The following NHLH2 variants were observed in gnomAD, a reference collection of about 807,000 sequenced individuals.
NHLH2 encodes the protein nescient helix-loop-helix 2, also known as helix-loop-helix protein 2.
A neutral mutation model predicts 7.3 loss-of-function variants in NHLH2; 7 were observed. The ratio of observed to expected loss-of-function variants is 0.96; its 90% CI spans 0.55 to 1.81. NHLH2 has a LOEUF of 1.81. NHLH2 is among the 40% of genes most tolerant of loss of function. NHLH2 has a pLI of 0.00. For missense variants in NHLH2, 155 were observed against 194.0 expected (o/e 0.80, Z 1.19); for synonymous variants, 93 against 91.6 (o/e 1.01, Z -0.09).
chr1:115,838,547 C>G (rs879274955), intron 2 of NHLH2, 167 bp from the exon 3 acceptor site: 326 of 656,846 alleles, frequency 5.0e-4, no homozygotes, highest in Non-Finnish European at 7.0e-4. Flanking sequence ...GGATCTGGCC[C>G]GAGGGCGCGA....
chr1:115,832,243 T>C (rs914770501), downstream of NHLH2, among the ~76,000 whole-genome samples: 4 of 152,214 alleles, frequency 2.6e-5, no homozygotes, highest in African/African-American at 9.6e-5. Context: ...TCTACAGGTG[T>C]GCATGTGTGG....
chr1:115,832,567 C>T (rs191404237), downstream of NHLH2, among the ~76,000 whole-genome samples: 73 of 152,304 alleles, frequency 4.8e-4, no homozygotes, highest in Non-Finnish European at 7.5e-4. Context: ...TTGGTACATA[C>T]GTTGTCCCAT....
rs1465006427 is a variant in NHLH2 at position 115,837,730 on chromosome 1, TC to T, written c.*234del. ...CACGAGGTTCTCCTGGCCTGGAAAA[TC>T]CCCCCTGCGAGCCCCCGGGCTCGCC... On this transcript the variant is annotated 3_prime_UTR_variant, in exon 3 of 3. Coordinates refer to ENST00000320238, the MANE Select transcript of NHLH2 (RefSeq NM_005599.3). 1.9e-6 allele frequency: 1 copy of T among 514,090 alleles called. No individual in the cohort carries two copies. Among genetic ancestry groups the T allele is most frequent in the Non-Finnish European group, 3.4e-6 (1 of 296,168 alleles). 31.8% of individuals were successfully genotyped at this position (514,090 alleles called of 1,614,324 possible).
chr1:115,838,246 C>A lies in NHLH2; in HGVS notation c.127G>T (p.Glu43Ter), dbSNP rs777544645. Residue 43 changes from glutamate (E) to a stop codon, truncating the protein, a stop_gained, in exon 3 of 3, where the codon GAG becomes TAG. Coordinates refer to ENST00000320238, the MANE Select transcript of NHLH2 (RefSeq NM_005599.3). LOFTEE classifies it high-confidence loss of function. ...CCGCCCTTGCCGTCGCCCTCGGCCT[C>A]CTCCACCGGCTCCAGGTCCGACACG... ...GSVSDLEPVE[E>*]AEGDGKGGSR... The A allele has an allele frequency of 1.3e-6, 2 of 1,575,038 alleles. No individual in the cohort carries two copies. The highest frequency in any genetic ancestry group is 1.7e-6 in the Non-Finnish European group (2 of 1,163,110).
In NHLH2 at chr1:115,836,490, T is replaced by C. The variant is rs1377572600; in HGVS notation, c.*1475A>G. 3.3e-5 allele frequency: 5 copies of C among 152,614 alleles called. No individual in the cohort carries two copies. Among genetic ancestry groups the C allele is most frequent in the African/African-American group, 4.8e-5 (2 of 41,456 alleles). The allele number at this position is 152,614 out of a possible 1,614,324, so 9.5% of individuals were successfully genotyped here. A position where few individuals can be genotyped will look rare whatever the true frequency, so the allele number is the denominator to read the frequency against. Reference sequence around the variant, plus strand: ...TTTCACTACAAAATATTGCATTATATAAAGCAACAGAGACACAAAAAAACC... The same window carrying C: ...TTTCACTACAAAATATTGCATTATACAAAGCAACAGAGACACAAAAAAACC... On this transcript the variant is annotated 3_prime_UTR_variant, in exon 3 of 3. Transcript: ENST00000320238.
At chr1:115,832,698 G>A (rs1048737283), downstream of NHLH2, among the ~76,000 whole-genome samples, 5 of 152,178 alleles carry the variant, frequency 3.3e-5, no homozygotes, top group East Asian at 3.9e-4. Flanking sequence ...ACACAGAGAT[G>A]GGAGAAACAG....
downstream of NHLH2, among the ~76,000 whole-genome samples, chr1:115,834,530 G>A (rs372993827): frequency 5.9e-4 from 90 of 152,150 alleles, no homozygotes; most frequent in Non-Finnish European, 1.1e-3. Flanking sequence ...GATGAGAAAA[G>A]AAAAGGCAGT....
chr1:115,839,100 C>T (rs878908601), intron 2 of NHLH2: 2 of 167,358 alleles, frequency 1.2e-5, no homozygotes, highest in South Asian at 2.1e-4. Flanking sequence ...CTCCGATGCC[C>T]TCGCAGGCTC....
chr1:115,834,424 G>A (rs1375094965), downstream of NHLH2, among the ~76,000 whole-genome samples: 1 of 152,196 alleles, frequency 6.6e-6, no homozygotes, highest in Admixed American at 6.5e-5. Flanking sequence ...GAAAGACCAA[G>A]CTCAGGGTAA....
chr1:115,837,930 G>A lies in NHLH2; in HGVS notation c.*35C>T. ...TCCGGATCCGTAGCGTTTCGCGGAC[G>A]CCGGGACAGGCGGCCCCCCGCGGCG... is the stretch of plus-strand genomic sequence containing the variant. On this transcript the variant is annotated 3_prime_UTR_variant, in exon 3 of 3. Coordinates refer to ENST00000320238, the MANE Select transcript of NHLH2 (RefSeq NM_005599.3). 1 of 1,577,454 alleles carries A rather than the reference G, an allele frequency of 6.3e-7. No homozygotes were observed. Among genetic ancestry groups the A allele is most frequent in the Admixed American group, 1.8e-5 (1 of 55,306 alleles).
rs960574542 is a variant in NHLH2, at chr1:115,840,397, C to T, written c.-190G>A. On this transcript the variant is annotated 5_prime_UTR_variant, in exon 2 of 3. Transcript: ENST00000320238. ...GGACAATAATATCTCAGGATGTAGA[C>T]GATATGAATGATTGTTCACTTAGTT... 3 of 166,902 alleles carry T rather than the reference C, an allele frequency of 1.8e-5. No homozygotes were observed. Among genetic ancestry groups the T allele is most frequent in the Non-Finnish European group, 4.4e-5 (3 of 68,106 alleles). 10.3% of individuals were successfully genotyped at this position (166,902 alleles called of 1,614,324 possible). A position where few individuals can be genotyped will look rare whatever the true frequency, so the allele number is the denominator to read the frequency against.
At position 115,837,962 on chromosome 1, in the gene NHLH2, G is replaced by C; in HGVS notation, c.*3C>G. 1 of 1,594,874 alleles carries C rather than the reference G, an allele frequency of 6.3e-7. No homozygotes were observed. Among genetic ancestry groups the C allele is most frequent in the Non-Finnish European group, 8.5e-7 (1 of 1,172,610 alleles). ...CAGGCGGCCCCCCGCGGCGCACCCC[G>C]CCCTACACGTCCAGGACGTGGTTGA... On this transcript the variant is annotated 3_prime_UTR_variant, in exon 3 of 3. Transcript: ENST00000320238.
In NHLH2 at chr1:115,837,782, A is replaced by G. The variant is rs1650919516; in HGVS notation, c.*183T>C. 2 of 658,072 alleles carry G rather than the reference A, an allele frequency of 3.0e-6. No homozygotes were observed. Among genetic ancestry groups the G allele is most frequent in the Admixed American group, 7.6e-5 (2 of 26,158 alleles). 40.8% of individuals were successfully genotyped at this position (658,072 alleles called of 1,614,324 possible). ...AGACAACCCCACCTGCCTGCGTCGGAAACCTTCCCTCGTCGCCCTGCTGAC... is the reference window on the plus strand; with the variant it reads ...AGACAACCCCACCTGCCTGCGTCGGGAACCTTCCCTCGTCGCCCTGCTGAC... On this transcript the variant is annotated 3_prime_UTR_variant, in exon 3 of 3. Coordinates refer to ENST00000320238, the MANE Select transcript of NHLH2 (RefSeq NM_005599.3).
downstream of NHLH2, among the ~76,000 whole-genome samples, chr1:115,834,366 G>T (rs564444258): frequency 5.9e-5 from 9 of 152,304 alleles, no homozygotes; most frequent in Middle Eastern, 6.8e-3. Flanking sequence ...GCAAAGAGAA[G>T]AAGGTGAAGG....
intron 2 of NHLH2, 185 bp downstream of exon 2, chr1:115,840,031 T>A (rs989115380): frequency 6.0e-6 from 1 of 166,994 alleles, no homozygotes; most frequent in Non-Finnish European, 1.5e-5. Context: ...TAGTTGTAGT[T>A]CTGGTAAAAA....
intron 2 of NHLH2, chr1:115,838,626 A>G (rs1650958325): frequency 2.3e-6 from 1 of 430,214 alleles, no homozygotes; most frequent in Non-Finnish European, 4.2e-6. Flanking sequence ...ACTAGACTGG[A>G]CACCTCGACT....
chr1:115,832,489 C>T (rs187319776), downstream of NHLH2, among the ~76,000 whole-genome samples: 9 of 152,300 alleles, frequency 5.9e-5, no homozygotes, highest in African/African-American at 2.2e-4. Flanking sequence ...TTGAGCACTT[C>T]CCATGTATTC....
At chr1:115,831,746 C>A (rs541575006), downstream of NHLH2, among the ~76,000 whole-genome samples, 1 of 152,070 alleles carries the variant, frequency 6.6e-6, no homozygotes, top group African/African-American at 2.4e-5. Context: ...CATGGTGAAA[C>A]CCCGTCTCTA....
Position 115,837,571 on chromosome 1 carries a change from A to C in NHLH2, c.*394T>G. ...ATAGCCTAAAGTTATGAGCCTGCAT[A>C]CTCTGAACTTCTGCCCTCATTCTTT... is the stretch of plus-strand genomic sequence containing the variant. On this transcript the variant is annotated 3_prime_UTR_variant, in exon 3 of 3. Coordinates refer to ENST00000320238, the MANE Select transcript of NHLH2 (RefSeq NM_005599.3). The C allele has an allele frequency of 4.6e-6, 1 of 218,212 alleles. No individual in the cohort carries two copies. Among genetic ancestry groups the C allele is most frequent in the Non-Finnish European group, 9.0e-6 (1 of 111,320 alleles). The allele number at this position is 218,212 out of a possible 1,614,324, so 13.5% of individuals were successfully genotyped here. A position where few individuals can be genotyped will look rare whatever the true frequency, so the allele number is the denominator to read the frequency against.
Sources: gnomAD v4.1 joint callset for allele counts (sites outside exome capture counted in the v4.1 genomes callset) on GRCh38, gnomAD v4.1.1 for gene constraint, MANE v1.5 for transcripts, NCBI Gene and HGNC (gene_info 2026-07-23, HGNC 2026-07-21) for gene names.